Variants in DNAJC5B observed in about 807,000 individuals in gnomAD.
The protein encoded by DNAJC5B is DnaJ heat shock protein family (Hsp40) member C5 beta, also known as dnaJ homolog subfamily C member 5B.
In DNAJC5B, 23 loss-of-function variants were observed where a neutral mutation model predicts 24.7. The ratio of observed to expected loss-of-function variants is 0.93; its 90% CI spans 0.67 to 1.32. The LOEUF (loss-of-function observed/expected upper bound fraction) is 1.32, where lower values mean the gene tolerates loss of function less well. DNAJC5B is among the 40% of genes most tolerant of loss of function. DNAJC5B has a pLI of 0.00. For synonymous variants in DNAJC5B, 101 were observed against 90.1 expected (o/e 1.12, Z -0.68); for missense variants, 238 against 240.8 (o/e 0.99, Z 0.08).
At chr8:66,075,379 G>C (rs1002007209) in intron 3 of DNAJC5B, among the ~76,000 whole-genome samples, 1 of 152,102 alleles carries the variant, frequency 6.6e-6, no homozygotes, top group African/African-American at 2.4e-5. Context: ...GAACCATGGG[G>C]GGGGAAATGC....
intron 5 of DNAJC5B, among the ~76,000 whole-genome samples, chr8:66,096,863 C>T (rs938861403): frequency 4.6e-5 from 7 of 152,022 alleles, no homozygotes; most frequent in African/African-American, 1.7e-4. Context: ...GTACTTTGAT[C>T]TTTTTCTACT....
chr8:66,040,388 A>C (rs1158674223), intron 1 of DNAJC5B, among the ~76,000 whole-genome samples: 1 of 91,122 alleles, frequency 1.1e-5, no homozygotes, highest in Non-Finnish European at 1.8e-5. Context: ...GACTCCATTT[A>C]AAAAAAAAAA....
At chr8:66,061,582 G>T (rs939591653) in intron 3 of DNAJC5B, among the ~76,000 whole-genome samples, 1 of 150,540 alleles carries the variant, frequency 6.6e-6, no homozygotes, top group Non-Finnish European at 1.5e-5. Flanking sequence ...GAATGAGAAA[G>T]AATGGATAGA....
chr8:66,064,289 G>A (rs189120103), intron 3 of DNAJC5B, among the ~76,000 whole-genome samples: 1 of 152,310 alleles, frequency 6.6e-6, no homozygotes, highest in Non-Finnish European at 1.5e-5. Context: ...GAGACACTGG[G>A]AGCCTGAAAA....
intron 5 of DNAJC5B, among the ~76,000 whole-genome samples, chr8:66,084,423 T>C (rs1173049324): frequency 7.2e-5 from 11 of 152,132 alleles, no homozygotes; most frequent in Non-Finnish European, 5.9e-5. Context: ...GAAGTTTAAT[T>C]CAAAAATGGC....
At chr8:66,092,222 G>A (rs945280955) in intron 5 of DNAJC5B, among the ~76,000 whole-genome samples, 1 of 152,196 alleles carries the variant, frequency 6.6e-6, no homozygotes, top group Non-Finnish European at 1.5e-5. Context: ...GGTAGACCAA[G>A]ATTTGACTAG....
At chr8:66,035,076 C>T (rs1482521336) in intron 1 of DNAJC5B, among the ~76,000 whole-genome samples, 1 of 152,132 alleles carries the variant, frequency 6.6e-6, no homozygotes, top group African/African-American at 2.4e-5. Context: ...AAGAGAGCCA[C>T]ACATTGCTGA....
At chr8:66,067,492 C>G (rs1295093089) in intron 3 of DNAJC5B, among the ~76,000 whole-genome samples, 1 of 152,098 alleles carries the variant, frequency 6.6e-6, no homozygotes, top group African/African-American at 2.4e-5. Context: ...GTTTTCATGT[C>G]CTTGTGTTGT....
chr8:66,028,987 C>A (rs1211034390), intron 1 of DNAJC5B, among the ~76,000 whole-genome samples: 3 of 152,218 alleles, frequency 2.0e-5, no homozygotes, highest in Non-Finnish European at 4.4e-5. Flanking sequence ...ACCTCTTATG[C>A]ACCAGGTAGA....
chr8:66,026,031 G>A (rs1443458955), intron 1 of DNAJC5B, among the ~76,000 whole-genome samples: 2 of 110,386 alleles, frequency 1.8e-5, no homozygotes, highest in East Asian at 2.0e-4. Context: ...CCATTTTCAC[G>A]ATATTGATTC....
chr8:66,018,424 G>T (rs1480358637), upstream of DNAJC5B, among the ~76,000 whole-genome samples: 1 of 152,138 alleles, frequency 6.6e-6, no homozygotes, highest in African/African-American at 2.4e-5. Context: ...GGAAGCTGAG[G>T]CAGAGAATTG....
chr8:66,072,821 C>A (rs1364076878), intron 3 of DNAJC5B, among the ~76,000 whole-genome samples: 1 of 152,150 alleles, frequency 6.6e-6, no homozygotes, highest in Non-Finnish European at 1.5e-5. Flanking sequence ...AATGACCAAA[C>A]TGAGTTTATC....
intron 3 of DNAJC5B, among the ~76,000 whole-genome samples, chr8:66,069,559 A>G (rs1348512884): frequency 6.6e-6 from 1 of 152,254 alleles, no homozygotes; most frequent in Non-Finnish European, 1.5e-5. Flanking sequence ...AAATTGAGGC[A>G]GTAATTAATA....
At chr8:66,077,658 A>G (rs1277711524) in intron 4 of DNAJC5B, among the ~76,000 whole-genome samples, 1 of 152,230 alleles carries the variant, frequency 6.6e-6, no homozygotes, top group Non-Finnish European at 1.5e-5. Context: ...ATAAGTTCCA[A>G]TACATAATAA....
chr8:66,015,991 C>A, the DNAJC5B span, among the ~76,000 whole-genome samples: 1 of 152,082 alleles, frequency 6.6e-6, no homozygotes, highest in Admixed American at 6.6e-5. Flanking sequence ...AGCAAAGGAC[C>A]ACAGGCTGGG....
rs1003843094 is a variant in DNAJC5B at position 66,043,561 on chromosome 8, G to A, written c.-68G>A. 2.6e-5 allele frequency: 4 copies of A among 152,152 alleles called. No individual in the cohort carries two copies. In the East Asian group the frequency reaches 5.8e-4, roughly 22 times the overall value. The allele number at this position is 152,152 out of a possible 1,614,324, so 9.4% of individuals were successfully genotyped here. ...TCTATTGACCTGCTTAACCCTGCATGGGGGGGAAGGATGGAAAGGAGCAGC... is the reference window on the plus strand; with the variant it reads ...TCTATTGACCTGCTTAACCCTGCATAGGGGGGAAGGATGGAAAGGAGCAGC... On this transcript the variant is annotated 5_prime_UTR_variant, in exon 2 of 6. An upstream start codon of the reference 5' UTR is lost. Transcript: ENST00000276570.
At chr8:66,076,617 T>C (rs773647011) in intron 3 of DNAJC5B, 43 bp from the exon 4 acceptor site, 20 of 1,606,020 alleles carry the variant, frequency 1.2e-5, no homozygotes, top group Non-Finnish European at 1.6e-5. Context: ...GGTTCATTCT[T>C]GTCAAATAAC....
intron 5 of DNAJC5B, among the ~76,000 whole-genome samples, chr8:66,088,361 G>A (rs755666889): frequency 6.6e-6 from 1 of 152,186 alleles, no homozygotes; most frequent in Non-Finnish European, 1.5e-5. Context: ...CTCCAGGCTT[G>A]TGATGGGAGG....
chr8:66,029,390 GA>G (rs1180610949), intron 1 of DNAJC5B, among the ~76,000 whole-genome samples: 1 of 152,228 alleles, frequency 6.6e-6, no homozygotes, highest in African/African-American at 2.4e-5. Flanking sequence ...GCATTGGGAA[GA>G]AGTGGCACTG....
Sources: gnomAD v4.1 joint callset for allele counts (sites outside exome capture counted in the v4.1 genomes callset) on GRCh38, gnomAD v4.1.1 for gene constraint, MANE v1.5 for transcripts, NCBI Gene and HGNC (gene_info 2026-07-23, HGNC 2026-07-21) for gene names.